Variants in PTPRO observed in about 807,000 individuals in gnomAD.
PTPRO encodes receptor-type tyrosine-protein phosphatase O.
Under a neutral mutation model 145.2 loss-of-function variants are expected in PTPRO, and 62 were observed. That is an observed-to-expected ratio of 0.43 (90% CI 0.35 to 0.53). The LOEUF is 0.53. Ranked by LOEUF, PTPRO falls within the 20% of genes least tolerant of loss-of-function variation. PTPRO has a pLI of 0.01. For missense variants in PTPRO, 1,345 were observed against 1,482.7 expected, an observed-to-expected ratio of 0.91 and a Z score of 1.53; for synonymous variants, 565 against 514.7, an observed-to-expected ratio of 1.10 and a Z score of -1.32.
At chr12:15,442,093 A>G (rs1452009451) in intron 1 of PTPRO, among the ~76,000 whole-genome samples, 1 of 152,122 alleles carries the variant, frequency 6.6e-6, no homozygotes, top group African/African-American at 2.4e-5. Context: ...TAGATGCAAA[A>G]ATGTTCAACA....
chr12:15,334,808 A>G (rs567103771), intron 1 of PTPRO, among the ~76,000 whole-genome samples: 1 of 152,262 alleles, frequency 6.6e-6, no homozygotes, highest in South Asian at 2.1e-4. Context: ...TCACTTCTGG[A>G]GTATAAAAAT....
At position 15,568,100 on chromosome 12, in the gene PTPRO, C is replaced by G. The variant is rs545298984; in HGVS notation, c.2748-1317C>G. On this transcript the variant is annotated intron_variant, in intron 18 of 26. Coordinates refer to ENST00000281171, the MANE Select transcript of PTPRO (RefSeq NM_030667.3). ...TAGCTAATCAACAACTTTAAATGAG[C>G]ATTATTAAATACTATGTATTTTCTA... Among the ~76,000 whole-genome samples the G allele has an allele frequency of 2.6e-5, 4 of 152,192 alleles. No homozygotes were observed. The East Asian group carries it at 7.7e-4, about 29-fold the overall frequency.
At chr12:15,432,061 G>A (rs1468254150) in intron 1 of PTPRO, among the ~76,000 whole-genome samples, 1 of 152,154 alleles carries the variant, frequency 6.6e-6, no homozygotes, top group African/African-American at 2.4e-5. Context: ...ATACACTCAT[G>A]TCATGGGGGT....
At chr12:15,435,388 G>A (rs1940566974) in intron 1 of PTPRO, among the ~76,000 whole-genome samples, 1 of 152,052 alleles carries the variant, frequency 6.6e-6, no homozygotes, top group Admixed American at 6.5e-5. Flanking sequence ...CATGATATCA[G>A]TCATAAAATC....
intron 1 of PTPRO, among the ~76,000 whole-genome samples, chr12:15,415,456 C>T (rs1006635227): frequency 7.3e-5 from 11 of 150,172 alleles, no homozygotes; most frequent in Non-Finnish European, 1.2e-4. Context: ...GCAGTCTTGG[C>T]TCACTGCAAG....
intron 1 of PTPRO, among the ~76,000 whole-genome samples, chr12:15,442,033 A>G (rs1940781272): frequency 6.6e-6 from 1 of 152,178 alleles, no homozygotes; most frequent in Non-Finnish European, 1.5e-5. Flanking sequence ...AAAACCTGGC[A>G]AAGACACAAT....
chr12:15,523,057 G>T (rs1005312927), intron 10 of PTPRO, among the ~76,000 whole-genome samples: 1 of 152,122 alleles, frequency 6.6e-6, no homozygotes, highest in Non-Finnish European at 1.5e-5. Flanking sequence ...TGTGTTACTT[G>T]TTAGATGCAT....
chr12:15,352,663 AAAAAAG>A (rs1166757638), intron 1 of PTPRO, among the ~76,000 whole-genome samples: 5 of 94,832 alleles, frequency 5.3e-5, no homozygotes, highest in African/African-American at 1.5e-4. Context: ...AAAAAAAAAA[AAAAAAG>A]AAAGAAAGAA....
At chr12:15,422,562 T>A (rs1254269813) in intron 1 of PTPRO, among the ~76,000 whole-genome samples, 1 of 152,150 alleles carries the variant, frequency 6.6e-6, no homozygotes, top group Non-Finnish European at 1.5e-5. Context: ...ATACATTTTT[T>A]CTATTCCTCC....
chr12:15,568,550 G>A (rs1943961406), intron 18 of PTPRO, among the ~76,000 whole-genome samples: 5 of 152,164 alleles, frequency 3.3e-5, no homozygotes, highest in Admixed American at 3.3e-4. Context: ...AAAGTGGAAA[G>A]GCTTGAGTTA....
chr12:15,454,373 A>T (rs963608842), intron 1 of PTPRO, among the ~76,000 whole-genome samples: 4 of 152,186 alleles, frequency 2.6e-5, no homozygotes, highest in Admixed American at 6.5e-5. Context: ...TTAGAAAAAA[A>T]TGTCTATTTA....
intron 7 of PTPRO, among the ~76,000 whole-genome samples, chr12:15,510,844 A>G (rs190973893): frequency 2.0e-5 from 3 of 152,182 alleles, no homozygotes; most frequent in Admixed American, 2.0e-4. Context: ...AGGAACCTAC[A>G]CTATCATCTA....
At chr12:15,569,614 C>G in intron 19 of PTPRO, 116 bp downstream of exon 19, 2 of 916,468 alleles carry the variant, frequency 2.2e-6, no homozygotes, top group Non-Finnish European at 3.5e-6. Flanking sequence ...AGGGTATTGG[C>G]CTGGGGATTG....
At chr12:15,457,328 T>G (rs563647571) in intron 1 of PTPRO, among the ~76,000 whole-genome samples, 2 of 152,332 alleles carry the variant, frequency 1.3e-5, no homozygotes, top group East Asian at 3.9e-4. Context: ...GTGAGACAAT[T>G]CTCCCTAATA....
intron 6 of PTPRO, among the ~76,000 whole-genome samples, chr12:15,504,319 T>C (rs1254313034): frequency 6.6e-6 from 1 of 152,184 alleles, no homozygotes; most frequent in Non-Finnish European, 1.5e-5. Flanking sequence ...GAACATTTAT[T>C]AAACTGACCT....
intron 1 of PTPRO, among the ~76,000 whole-genome samples, chr12:15,424,204 A>G (rs777257344): frequency 7.2e-5 from 11 of 152,216 alleles, no homozygotes; most frequent in Non-Finnish European, 1.0e-4. Context: ...AGTGTATTCT[A>G]TTTTAAATTA....
At chr12:15,592,586 A>G (rs545559598) in intron 25 of PTPRO, among the ~76,000 whole-genome samples, 1 of 152,222 alleles carries the variant, frequency 6.6e-6, no homozygotes, top group Admixed American at 6.5e-5. Flanking sequence ...GACACACTTC[A>G]TAGACTTCTT....
chr12:15,569,507 G>T lies in PTPRO; in HGVS notation c.2829+9G>T, dbSNP rs747889806. On this transcript the variant is annotated intron_variant, in intron 19 of 26. Coordinates refer to ENST00000281171, the MANE Select transcript of PTPRO (RefSeq NM_030667.3). ...TTTCTCTTCAGTTTGAGGTGAGTTG[G>T]TTAAGGCATTTTCTACCTTCTGTAA... 6.2e-7 allele frequency: 1 copy of T among 1,603,814 alleles called. No individual in the cohort carries two copies. Among genetic ancestry groups the T allele is most frequent in the Non-Finnish European group, 8.5e-7 (1 of 1,170,864 alleles).
chr12:15,555,349 C>G (rs1943593356), intron 15 of PTPRO, among the ~76,000 whole-genome samples: 1 of 152,068 alleles, frequency 6.6e-6, no homozygotes, highest in African/African-American at 2.4e-5. Flanking sequence ...ATCACTGGAA[C>G]AATCAATATT....
Sources: gnomAD v4.1 joint callset for allele counts (sites outside exome capture counted in the v4.1 genomes callset) on GRCh38, gnomAD v4.1.1 for gene constraint, MANE v1.5 for transcripts, NCBI Gene and HGNC (gene_info 2026-07-23, HGNC 2026-07-21) for gene names.